Variants in NPHP4 observed in about 807,000 individuals in gnomAD.
NPHP4 encodes the protein nephrocystin-4.
NPHP4 carries 151 observed loss-of-function variants against 155.8 expected under a neutral mutation model. The observed-to-expected ratio is 0.97, with a 90% CI of 0.85 to 1.11. NPHP4 has a LOEUF of 1.11. NPHP4 is among the 50% of genes least tolerant of loss of function. The probability of loss-of-function intolerance (pLI) is 0.00; values close to 1 mark genes in which losing one functional copy is unlikely to be tolerated. For synonymous variants in NPHP4, 845 were observed against 816.8 expected, an observed-to-expected ratio of 1.03 and a Z score of -0.59; for missense variants, 1,956 against 1,925.7, an observed-to-expected ratio of 1.02 and a Z score of -0.29.
intron 9 of NPHP4, among the ~76,000 whole-genome samples, chr1:5,941,195 G>A (rs1299876815): frequency 2.0e-5 from 3 of 149,020 alleles, no homozygotes; most frequent in African/African-American, 7.4e-5. Flanking sequence ...CCATGGCAAA[G>A]GGGGACTTCT....
chr1:5,989,971 G>A (rs1335728322), intron 1 of NPHP4, among the ~76,000 whole-genome samples: 1 of 152,230 alleles, frequency 6.6e-6, no homozygotes, highest in African/African-American at 2.4e-5. Context: ...CTCGGGATGT[G>A]GAGGCAGGGC....
chr1:5,877,018 G>T, intron 20 of NPHP4, 75 bp downstream of exon 20: 2 of 995,576 alleles, frequency 2.0e-6, no homozygotes, highest in Non-Finnish European at 2.7e-6. Flanking sequence ...TCATGTGGGA[G>T]GCAGGGAAAG....
chr1:5,885,160 A>C (rs1385636114), intron 18 of NPHP4, among the ~76,000 whole-genome samples: 3 of 108,166 alleles, frequency 2.8e-5, no homozygotes, highest in South Asian at 3.3e-4. Context: ...CCGAACCCCC[A>C]TCCTACTCGA....
Position 5,867,324 on chromosome 1 carries a change from G to A in NPHP4, c.3473-209C>T, listed in dbSNP as rs567562755. The stretch of plus-strand genomic sequence containing the variant: ...GGACACCGCCCATCCAGCCCACTGC[G>A]GCTCGGCTGCAGCCATCTCCACAGG... On this transcript the variant is annotated intron_variant, in intron 24 of 29. Transcript: ENST00000378156. This position sits in a 1 kb window ranked among gnomAD's most constrained non-coding sequence, Gnocchi z 4.1. The A allele has an allele frequency of 7.7e-5, 44 of 570,876 alleles. No homozygotes were observed. The highest frequency in any genetic ancestry group is 7.3e-4 in the African/African-American group (39 of 53,602). 35.4% of individuals were successfully genotyped at this position (570,876 alleles called of 1,614,324 possible). A position where few individuals can be genotyped will look rare whatever the true frequency, so the allele number is the denominator to read the frequency against.
chr1:5,948,059 A>T lies in NPHP4; in HGVS notation c.992+11T>A. ...ATCCCCACCCATCCCTGGGGACCCAAGAGACAATACCTGGTCTTGGAAGAG... is the reference window on the plus strand; with the variant it reads ...ATCCCCACCCATCCCTGGGGACCCATGAGACAATACCTGGTCTTGGAAGAG... On this transcript the variant is annotated intron_variant, in intron 8 of 29. Coordinates refer to ENST00000378156, the MANE Select transcript of NPHP4 (RefSeq NM_015102.5). The T allele has an allele frequency of 1.2e-6, 2 of 1,609,638 alleles. No individual in the cohort carries two copies. The highest frequency in any genetic ancestry group is 1.7e-6 in the Non-Finnish European group (2 of 1,176,030).
chr1:5,922,100 A>G (rs896372304), intron 11 of NPHP4, among the ~76,000 whole-genome samples: 2 of 152,262 alleles, frequency 1.3e-5, no homozygotes, highest in Admixed American at 1.3e-4. Context: ...CAGGAGGGTC[A>G]GAGTTCAGTG....
intron 25 of NPHP4, 69 bp downstream of exon 25, chr1:5,866,961 G>T (rs1202881886): frequency 8.4e-7 from 1 of 1,195,484 alleles, no homozygotes; most frequent in Non-Finnish European, 1.2e-6. Flanking sequence ...GGATACCCGT[G>T]GGGAAGCCGA....
rs1248673286 is a variant in NPHP4 at position 5,955,870 on chromosome 1, AGCTAGAAGAGCG to A, written c.674-3046_674-3035del. Among the ~76,000 whole-genome samples, 9 of 152,350 alleles carry A rather than the reference AGCTAGAAGAGCG, an allele frequency of 5.9e-5. No individual in the cohort carries two copies. The South Asian group carries it at 1.4e-3, about 25-fold the overall frequency. On this transcript the variant is annotated intron_variant, in intron 6 of 29. Coordinates refer to ENST00000378156, the MANE Select transcript of NPHP4 (RefSeq NM_015102.5). ...TAAAATACAAAAGAGCTAGAAGAGC[AGCTAGAAGAGCG>A]GCTTCTGAATGTCCTGACCACACAG... is the stretch of plus-strand genomic sequence containing the variant.
chr1:5,897,770 T>C (rs1644466927), intron 16 of NPHP4, among the ~76,000 whole-genome samples: 1 of 152,162 alleles, frequency 6.6e-6, no homozygotes, highest in Non-Finnish European at 1.5e-5. Context: ...AATGGTACTA[T>C]GAAATTTGTG....
intron 8 of NPHP4, 112 bp from the exon 9 acceptor site, chr1:5,947,342 GTGC>G: frequency 8.8e-7 from 1 of 1,130,414 alleles, no homozygotes; most frequent in Middle Eastern, 3.1e-4. Context: ...GGACACAGGG[GTGC>G]TGCTGCAACA....
In NPHP4 at chr1:5,867,857, G is replaced by A. The variant is rs557733424; in HGVS notation, c.3355C>T (p.Leu1119Phe). Residue 1119 changes from leucine (L) to phenylalanine (F), a missense_variant, in exon 24 of 30, where the codon CTC becomes TTC. Leu to Phe is a conservative substitution (Grantham distance 22). Transcript: ENST00000378156. This position sits in a 1 kb window ranked among gnomAD's most constrained non-coding sequence, Gnocchi z 4.1. ...RASGGKPIAV[L>F]CLTVELQPHV... Reference sequence around the variant, plus strand: ...GGCTGCAGCTCCACAGTCAGGCAGAGCACGGCGATGGGCTTGCCACCACTC... The same window carrying A: ...GGCTGCAGCTCCACAGTCAGGCAGAACACGGCGATGGGCTTGCCACCACTC... 1.2e-6 allele frequency: 2 copies of A among 1,613,974 alleles called. No homozygotes were observed. Among genetic ancestry groups the A allele is most frequent in the Admixed American group, 1.7e-5 (1 of 60,032 alleles).
chr1:5,941,276 CAA>C (rs1417876459), intron 9 of NPHP4, among the ~76,000 whole-genome samples: 1 of 18,172 alleles, frequency 5.5e-5, no homozygotes, highest in African/African-American at 2.3e-4. Flanking sequence ...ACACCACAAA[CAA>C]GAGATCTAGA....
rs192450719 is a variant in NPHP4, at chr1:5,933,342, C to A, written c.1120-13G>T. The A allele has an allele frequency of 2.1e-4, 330 of 1,608,258 alleles. 2 individuals carry two copies. In the East Asian group the frequency reaches 6.3e-3, roughly 31 times the overall value. On this transcript the variant is annotated splice_polypyrimidine_tract_variant and intron_variant, in intron 9 of 29. Coordinates refer to ENST00000378156, the MANE Select transcript of NPHP4 (RefSeq NM_015102.5). ...TGACCGAAGCTGCCTAGAATTAAAA[C>A]AAAGCACATCGGTGTATGAGTTATC... is the stretch of plus-strand genomic sequence containing the variant.
chr1:5,973,001 C>T (rs1652860924), intron 3 of NPHP4, among the ~76,000 whole-genome samples: 1 of 152,186 alleles, frequency 6.6e-6, no homozygotes, highest in African/African-American at 2.4e-5. Flanking sequence ...TCTCTAGCCT[C>T]AGCCTCCCAA....
intron 1 of NPHP4, among the ~76,000 whole-genome samples, chr1:5,989,612 CTT>C (rs1465364820): frequency 6.6e-6 from 1 of 152,256 alleles, no homozygotes; most frequent in African/African-American, 2.4e-5. Flanking sequence ...TACCCTCAAG[CTT>C]TTCTTTCCCA....
In NPHP4 at chr1:5,867,829, T is replaced by G; in HGVS notation, c.3383A>C (p.His1128Pro). 1 of 1,613,748 alleles carries G rather than the reference T, an allele frequency of 6.2e-7. No homozygotes were observed. The highest frequency in any genetic ancestry group is 8.5e-7 in the Non-Finnish European group (1 of 1,179,870). ...VLCLTVELQP[H>P]VVDQVFRFYH... ...GAAGCGGAAGACCTGGTCCACCACG[T>G]GGGGCTGCAGCTCCACAGTCAGGCA... The change falls in exon 24 of 30, where the codon CAC becomes CCC. Residue 1128 changes from histidine (H) to proline (P), a missense_variant. Coordinates refer to ENST00000378156, the MANE Select transcript of NPHP4 (RefSeq NM_015102.5). This position sits in a 1 kb window ranked among gnomAD's most constrained non-coding sequence, Gnocchi z 4.1.
rs1326050192 is a variant in NPHP4, at chr1:5,904,800, C to A, written c.1960G>T (p.Ala654Ser). Residue 654 changes from alanine (A) to serine (S), a missense_variant, in exon 16 of 30, where the codon GCC becomes TCC. Physicochemically the swap from Ala to Ser is moderately conservative, Grantham distance 99. Transcript: ENST00000378156. ...VLQFLAFSRV[A>S]QDCRGTSWPK... Reference sequence around the variant, plus strand: ...CATGATGTTCCTCGGCAGTCCTGGGCCACTCTGAATCCAACAACAGCTCTG... The same window carrying A: ...CATGATGTTCCTCGGCAGTCCTGGGACACTCTGAATCCAACAACAGCTCTG... The A allele has an allele frequency of 6.2e-7, 1 of 1,613,886 alleles. No individual in the cohort carries two copies. The highest frequency in any genetic ancestry group is 1.7e-5 in the Admixed American group (1 of 60,022).
At chr1:5,871,153 G>T (rs769543217) in intron 23 of NPHP4, among the ~76,000 whole-genome samples, 7 of 152,202 alleles carry the variant, frequency 4.6e-5, no homozygotes, top group Non-Finnish European at 1.0e-4. Context: ...ACATGGCAAA[G>T]GTTAGTGACC....
In NPHP4 at chr1:5,913,151, C is replaced by CAAA. The variant is rs34163161; in HGVS notation, c.1442-3941_1442-3939dup. Among the ~76,000 whole-genome samples the CAAA allele has an allele frequency of 1.6e-4, 13 of 81,812 alleles. No homozygotes were observed. In the South Asian group the frequency reaches 3.0e-3, roughly 19 times the overall value. The allele number at this position is 81,812 out of a possible 152,430, so 53.7% of individuals were successfully genotyped here. ...GGGCAAAAAGAGTGAGACTCCATCT[C>CAAA]AAAAAAAAAAAAAAAAAAAAGCACA... is the stretch of plus-strand genomic sequence containing the variant. On this transcript the variant is annotated intron_variant, in intron 11 of 29. Transcript: ENST00000378156.
Sources: gnomAD v4.1 joint callset for allele counts (sites outside exome capture counted in the v4.1 genomes callset) on GRCh38, gnomAD v4.1.1 for gene constraint, Gnocchi (gnomAD v3.1) non-coding constraint, MANE v1.5 for transcripts, NCBI Gene and HGNC (gene_info 2026-07-23, HGNC 2026-07-21) for gene names.